C2CD5: variants seen among roughly 807,000 people sequenced by gnomAD.
The protein encoded by C2CD5 is C2 calcium dependent domain containing 5.
In C2CD5, 109 loss-of-function variants were observed where a neutral mutation model predicts 130.3. The ratio of observed to expected loss-of-function variants is 0.84; its 90% CI spans 0.72 to 0.98. C2CD5 has a LOEUF of 0.98. Among genes scored for constraint, C2CD5 ranks in the 50% least tolerant of loss-of-function variants. The pLI, the probability that C2CD5 is intolerant of heterozygous loss-of-function variation, is 0.00. For missense variants in C2CD5, 996 were observed against 1,261.8 expected, an observed-to-expected ratio of 0.79 and a Z score of 3.19; for synonymous variants, 454 against 429.2, an observed-to-expected ratio of 1.06 and a Z score of -0.71.
At chr12:22,507,871 G>C (rs1948747055) in intron 9 of C2CD5, among the ~76,000 whole-genome samples, 1 of 152,094 alleles carries the variant, frequency 6.6e-6, no homozygotes, top group South Asian at 2.1e-4. Flanking sequence ...TTTATTCATA[G>C]GAGACTCCCA....
chr12:22,533,190 G>A (rs1951478631), intron 3 of C2CD5, among the ~76,000 whole-genome samples: 1 of 152,178 alleles, frequency 6.6e-6, no homozygotes, highest in Non-Finnish European at 1.5e-5. Flanking sequence ...ATGGGAGAAT[G>A]TAAGATGGAG....
chr12:22,505,011 T>C (rs988093033), intron 10 of C2CD5, among the ~76,000 whole-genome samples: 1 of 152,128 alleles, frequency 6.6e-6, no homozygotes, highest in South Asian at 2.1e-4. Context: ...GCTTAGAAGA[T>C]GCATTTGCCC....
intron 12 of C2CD5, among the ~76,000 whole-genome samples, chr12:22,487,615 T>C (rs1388606059): frequency 6.6e-6 from 1 of 152,038 alleles, no homozygotes; most frequent in Admixed American, 6.5e-5. Flanking sequence ...GAATGTAAAC[T>C]AGTTCAACCA....
intron 22 of C2CD5, chr12:22,463,385 T>G (rs1591952563): frequency 1.3e-5 from 2 of 151,598 alleles, no homozygotes; most frequent in Non-Finnish European, 2.9e-5. Context: ...AGGGAGACTC[T>G]TGTCTCAAAA....
chr12:22,537,255 AG>A, intron 2 of C2CD5, among the ~76,000 whole-genome samples: 1 of 152,192 alleles, frequency 6.6e-6, no homozygotes, highest in Non-Finnish European at 1.5e-5. Context: ...TTTAGAAAAA[AG>A]GAAAAGTCAT....
chr12:22,493,419 A>T (rs969496215), intron 10 of C2CD5, 82 bp from the exon 11 acceptor site: 1 of 681,842 alleles, frequency 1.5e-6, no homozygotes, highest in Non-Finnish European at 2.4e-6. Flanking sequence ...TAAACATACT[A>T]TGGGAAGTAA....
chr12:22,482,085 C>A (rs1046979510), intron 14 of C2CD5, among the ~76,000 whole-genome samples: 1 of 152,096 alleles, frequency 6.6e-6, no homozygotes, highest in African/African-American at 2.4e-5. Flanking sequence ...TAATTTTGCT[C>A]CACTCACCAA....
At chr12:22,542,919 G>A (rs775593548) in intron 2 of C2CD5, among the ~76,000 whole-genome samples, 1 of 152,176 alleles carries the variant, frequency 6.6e-6, no homozygotes, top group African/African-American at 2.4e-5. Context: ...TATTAAATAG[G>A]CTGTGTGGGT....
intron 2 of C2CD5, among the ~76,000 whole-genome samples, chr12:22,540,572 C>G (rs892922669): frequency 6.6e-6 from 1 of 152,118 alleles, no homozygotes; most frequent in African/African-American, 2.4e-5. Flanking sequence ...AAAATAATAA[C>G]AACAGGCCAG....
intron 8 of C2CD5, among the ~76,000 whole-genome samples, chr12:22,517,394 A>T (rs1287430199): frequency 6.6e-6 from 1 of 151,958 alleles, no homozygotes; most frequent in Admixed American, 6.5e-5. Flanking sequence ...CATATTCATA[A>T]AAACCCAGAA....
At chr12:22,488,636 G>C (rs1945910735) in intron 12 of C2CD5, among the ~76,000 whole-genome samples, 1 of 151,996 alleles carries the variant, frequency 6.6e-6, no homozygotes, top group Non-Finnish European at 1.5e-5. Flanking sequence ...ACAACTCACT[G>C]ACAAAGAGAG....
At chr12:22,479,790 T>G (rs1015557512) in intron 14 of C2CD5, among the ~76,000 whole-genome samples, 2 of 152,128 alleles carry the variant, frequency 1.3e-5, no homozygotes, top group African/African-American at 4.8e-5. Flanking sequence ...AAGGTAACAT[T>G]TATATATATC....
At chr12:22,511,298 T>C (rs1477133712) in intron 9 of C2CD5, among the ~76,000 whole-genome samples, 2 of 152,118 alleles carry the variant, frequency 1.3e-5, no homozygotes, top group Non-Finnish European at 2.9e-5. Flanking sequence ...TAATCTAGTG[T>C]TCAGATTAGC....
chr12:22,516,857 T>C (rs929446207), intron 8 of C2CD5, among the ~76,000 whole-genome samples: 1 of 151,900 alleles, frequency 6.6e-6, no homozygotes, highest in East Asian at 1.9e-4. Context: ...TCCATTTTTA[T>C]GGCATAAACC....
chr12:22,454,087 A>G, intron 25 of C2CD5, 45 bp from the exon 26 acceptor site: 1 of 1,484,088 alleles, frequency 6.7e-7, no homozygotes, highest in Non-Finnish European at 9.4e-7. Flanking sequence ...ATACATGTGT[A>G]TGGATATAGG....
rs1940424659 is a variant in C2CD5 at position 22,458,475 on chromosome 12, TCC to T, written c.2686+7_2686+8del. 1.7e-6 allele frequency: 2 copies of T among 1,202,456 alleles called. No individual in the cohort carries two copies. Among genetic ancestry groups the T allele is most frequent in the Non-Finnish European group, 2.1e-6 (2 of 949,158 alleles). 74.5% of individuals were successfully genotyped at this position (1,202,456 alleles called of 1,614,324 possible). A position where few individuals can be genotyped will look rare whatever the true frequency, so the allele number is the denominator to read the frequency against. ...AGATTATCATAATGTGGTAGAAACA[TCC>T]GCCTACTTGTCTTAATTGATCCACG... On this transcript the variant is annotated splice_region_variant and intron_variant, in intron 24 of 26. Coordinates refer to ENST00000446597, the MANE Select transcript of C2CD5 (RefSeq NM_001286176.2).
intron 15 of C2CD5, among the ~76,000 whole-genome samples, chr12:22,475,742 A>G (rs1224035900): frequency 2.6e-5 from 4 of 152,160 alleles, no homozygotes; most frequent in Non-Finnish European, 5.9e-5. Context: ...TAATGTAATG[A>G]TCTATGGAGC....
chr12:22,501,927 T>C (rs1397913991), intron 10 of C2CD5, among the ~76,000 whole-genome samples: 2 of 152,052 alleles, frequency 1.3e-5, no homozygotes, highest in African/African-American at 4.8e-5. Context: ...CTGAGACAAA[T>C]AACTGAAAAA....
intron 26 of C2CD5, among the ~76,000 whole-genome samples, 192 bp downstream of exon 26, chr12:22,453,704 G>T (rs138445338): frequency 0.02 from 3,046 of 152,268 alleles, 72 homozygotes; most frequent in Admixed American, 0.038. Flanking sequence ...AGTTACCTGA[G>T]ATGTCGAAAT....
Sources: allele counts gnomAD v4.1 joint callset (sites outside exome capture counted in the v4.1 genomes callset), GRCh38; gene constraint gnomAD v4.1.1; transcripts MANE v1.5; gene names NCBI Gene and HGNC (gene_info 2026-07-23, HGNC 2026-07-21).